The following ABCC8 variants were observed in gnomAD, a reference collection of about 807,000 sequenced individuals.
ABCC8 encodes ATP-binding cassette sub-family C member 8.
A neutral mutation model predicts 188.0 loss-of-function variants in ABCC8; 137 were observed. That is an observed-to-expected ratio of 0.73 (90% CI 0.63 to 0.84). The LOEUF is 0.84. ABCC8 is among the 40% of genes least tolerant of loss of function. The pLI is 0.00. For missense variants in ABCC8, 1,750 were observed against 2,072.7 expected (o/e 0.84, Z 3.02); for synonymous variants, 797 against 846.5 (o/e 0.94, Z 1.01).
chr11:17,434,982 CGCGTGTGT>C (rs112553338), intron 10 of ABCC8, among the ~76,000 whole-genome samples: 754 of 62,754 alleles, frequency 0.012, 4 homozygotes, highest in African/African-American at 0.037. Flanking sequence ...TGCGTGTGTT[CGCGTGTGT>C]GTGTGTGTGT....
chr11:17,474,878 T>A lies in ABCC8; in HGVS notation c.290+8A>T, dbSNP rs764705443. The A allele has an allele frequency of 3.7e-6, 6 of 1,613,924 alleles. No individual in the cohort carries two copies. Among genetic ancestry groups the A allele is most frequent in the Non-Finnish European group, 5.1e-6 (6 of 1,179,916 alleles). On this transcript the variant is annotated splice_region_variant and intron_variant, in intron 2 of 38. Transcript: ENST00000389817. ...TTCACTTTCCTGAGTCCTCAGACAG[T>A]CACTCACCCATCAGACAGGATGCCC...
chr11:17,394,150 T>G, intron 37 of ABCC8, 116 bp downstream of exon 37: 1 of 1,340,148 alleles, frequency 7.5e-7, no homozygotes, highest in Non-Finnish European at 1.1e-6. Context: ...CTGCAACACA[T>G]AGCATTTGAT....
In ABCC8 at chr11:17,428,592, C is replaced by G; in HGVS notation, c.1896G>C (p.Gln632His). The part of the protein sequence containing the change: ...EQCAPHEPTP[Q>H]GPASKYQAVP... ...CCGCCTGGTACTTGCTGGCTGGGCC[C>G]TGAGGTGTGGGCTCATGGGGGGCAC... The change falls in exon 13 of 39, where the codon CAG (glutamine) becomes CAC (histidine). Residue 632 changes from glutamine (Q) to histidine (H), a missense_variant. Coordinates refer to ENST00000389817, the MANE Select transcript of ABCC8 (RefSeq NM_000352.6). 6.2e-7 allele frequency: 1 copy of G among 1,614,130 alleles called. No homozygotes were observed. The highest frequency in any genetic ancestry group is 8.5e-7 in the Non-Finnish European group (1 of 1,180,024).
chr11:17,474,129 C>A (rs1261962712), intron 2 of ABCC8, among the ~76,000 whole-genome samples: 1 of 152,168 alleles, frequency 6.6e-6, no homozygotes, highest in African/African-American at 2.4e-5. Flanking sequence ...TGGAGCTTGC[C>A]CAATTCTGCC....
At chr11:17,411,945 T>C (rs1212442667) in intron 21 of ABCC8, among the ~76,000 whole-genome samples, 2 of 145,524 alleles carry the variant, frequency 1.4e-5, no homozygotes, top group Admixed American at 1.4e-4. Flanking sequence ...CAGGCTGGAG[T>C]GCAGTGGTGC....
At chr11:17,417,072 C>T (rs1955115661) in intron 16 of ABCC8, 110 bp from the exon 17 acceptor site, 5 of 1,572,716 alleles carry the variant, frequency 3.2e-6, no homozygotes, top group Non-Finnish European at 4.3e-6. Flanking sequence ...ACCCTCCCAC[C>T]CATTCCCAGG....
At chr11:17,400,915 C>A (rs1954208676) in intron 29 of ABCC8, among the ~76,000 whole-genome samples, 1 of 152,250 alleles carries the variant, frequency 6.6e-6, no homozygotes, top group Non-Finnish European at 1.5e-5. Flanking sequence ...TCTCAACAGG[C>A]TGCTGGATTA....
chr11:17,417,747 TTC>T lies in ABCC8; in HGVS notation c.2223-787_2223-786del, dbSNP rs149336933. 7.0e-4 allele frequency among the ~76,000 whole-genome samples: 105 copies of T among 149,362 alleles called. 1 individual carries two copies. The highest frequency in any genetic ancestry group is 1.2e-3 in the Non-Finnish European group (82 of 67,050). ...CTTTTATAAGCACCATAGTAGTATTTTCTCTCTCTCTCTCTCTCTCAGACAGG... is the reference window on the plus strand; with the variant it reads ...CTTTTATAAGCACCATAGTAGTATTTTCTCTCTCTCTCTCTCTCAGACAGG... On this transcript the variant is annotated intron_variant, in intron 16 of 38. Transcript: ENST00000389817.
chr11:17,428,776 A>G, intron 12 of ABCC8, 106 bp from the exon 13 acceptor site: 1 of 1,548,986 alleles, frequency 6.5e-7, no homozygotes, highest in South Asian at 1.2e-5. Flanking sequence ...GGCCTGAAGT[A>G]TAGTCCCACA....
chr11:17,461,492 C>T, intron 5 of ABCC8, 91 bp downstream of exon 5: 2 of 1,546,666 alleles, frequency 1.3e-6, no homozygotes, highest in Non-Finnish European at 8.9e-7. Flanking sequence ...CTTGTCCCAC[C>T]AGGATTTTGA....
At chr11:17,398,853 A>G (rs1954077955) in intron 29 of ABCC8, among the ~76,000 whole-genome samples, 1 of 152,074 alleles carries the variant, frequency 6.6e-6, no homozygotes, top group Non-Finnish European at 1.5e-5. Flanking sequence ...TCTCACCTGG[A>G]CTACTGCATC....
At chr11:17,414,695 A>T in intron 18 of ABCC8, 85 bp from the exon 19 acceptor site, 1 of 1,597,412 alleles carries the variant, frequency 6.3e-7, no homozygotes, top group East Asian at 2.2e-5. Flanking sequence ...CTGATGGCTC[A>T]GATGGAGGCA....
intron 10 of ABCC8, among the ~76,000 whole-genome samples, chr11:17,436,710 G>A (rs1272049962): frequency 1.3e-5 from 2 of 152,214 alleles, no homozygotes; most frequent in Non-Finnish European, 2.9e-5. Context: ...CTGAAAGGCT[G>A]CCATCAAAAC....
At chr11:17,436,673 GA>G (rs1272276178) in intron 10 of ABCC8, among the ~76,000 whole-genome samples, 1 of 152,246 alleles carries the variant, frequency 6.6e-6, no homozygotes. Flanking sequence ...TGCTGTTATG[GA>G]AAAGTTTAGT....
chr11:17,435,776 T>A (rs1354977201), intron 10 of ABCC8: 2 of 1,340,326 alleles, frequency 1.5e-6, no homozygotes, highest in Non-Finnish European at 2.1e-6. Context: ...AGGTCCCACA[T>A]CAAGTGTCAG....
At chr11:17,442,640 C>A (rs1327334916) in intron 10 of ABCC8, 80 bp downstream of exon 10, 4 of 1,420,408 alleles carry the variant, frequency 2.8e-6, no homozygotes, top group African/African-American at 1.4e-5. Flanking sequence ...GTCCCTGCAC[C>A]CCCTCTTACC....
rs531012733 is a variant in ABCC8, at chr11:17,455,100, G to A, written c.1012-1817C>T. On this transcript the variant is annotated intron_variant, in intron 6 of 38. Transcript: ENST00000389817. ...CCCAAAGAAAATAATTTCACATAAG[G>A]TAATAGCTGTATGAACACAGACATT... Among the ~76,000 whole-genome samples the A allele has an allele frequency of 7.2e-5, 11 of 152,312 alleles. No homozygotes were observed. The South Asian group carries it at 1.9e-3, about 26-fold the overall frequency.
chr11:17,473,397 T>C (rs1199513323), intron 2 of ABCC8, among the ~76,000 whole-genome samples: 4 of 151,960 alleles, frequency 2.6e-5, no homozygotes, highest in African/African-American at 7.3e-5. Context: ...ATTTTAGAGA[T>C]CACTGCTGAA....
At chr11:17,468,386 C>T (rs765895349) in intron 3 of ABCC8, among the ~76,000 whole-genome samples, 2 of 152,204 alleles carry the variant, frequency 1.3e-5, no homozygotes, top group African/African-American at 4.8e-5. Flanking sequence ...GCCAGATGTA[C>T]AGCCCCAGCC....
Sources: allele counts gnomAD v4.1 joint callset (sites outside exome capture counted in the v4.1 genomes callset), GRCh38; gene constraint gnomAD v4.1.1; transcripts MANE v1.5; gene names NCBI Gene and HGNC (gene_info 2026-07-23, HGNC 2026-07-21).